ALPK2: variants seen among roughly 807,000 people sequenced by gnomAD.
ALPK2 encodes the protein alpha kinase 2.
Under a neutral mutation model 163.1 loss-of-function variants are expected in ALPK2, and 127 were observed. The observed-to-expected ratio is 0.78, with a 90% CI of 0.67 to 0.90. The LOEUF is 0.90. ALPK2 is among the 40% of genes least tolerant of loss of function. The pLI is 0.00. For missense variants in ALPK2, 2,360 were observed against 2,589.6 expected (o/e 0.91, Z 1.92); for synonymous variants, 953 against 959.1 (o/e 0.99, Z 0.12).
At chr18:58,627,414 A>G (rs1331472709) in intron 1 of ALPK2, among the ~76,000 whole-genome samples, 3 of 152,182 alleles carry the variant, frequency 2.0e-5, no homozygotes, top group African/African-American at 7.2e-5. Flanking sequence ...TGAGGTCAGG[A>G]GTTCAAGACC....
At chr18:58,577,847 T>C (rs371669069) in intron 4 of ALPK2, 1 of 152,228 alleles carries the variant, frequency 6.6e-6, no homozygotes, top group African/African-American at 2.4e-5. Context: ...ATTTTATCTT[T>C]GGAGTGTATC....
At chr18:58,527,513 T>C (rs961037478) in intron 6 of ALPK2, among the ~76,000 whole-genome samples, 13 of 152,270 alleles carry the variant, frequency 8.5e-5, no homozygotes, top group African/African-American at 2.9e-4. Context: ...GTTAGGTTTA[T>C]CGTAAATACA....
At chr18:58,543,201 C>T (rs1268035170) in intron 4 of ALPK2, among the ~76,000 whole-genome samples, 1 of 152,196 alleles carries the variant, frequency 6.6e-6, no homozygotes, top group Non-Finnish European at 1.5e-5. Context: ...GAGTCCCCAG[C>T]AGCAATAAGG....
At chr18:58,503,700 C>T (rs1003973310) in intron 11 of ALPK2, among the ~76,000 whole-genome samples, 1 of 152,022 alleles carries the variant, frequency 6.6e-6, no homozygotes, top group African/African-American at 2.4e-5. Flanking sequence ...CCCTGTCCCC[C>T]CCTAGAATTT....
intron 2 of ALPK2, 25 bp downstream of exon 2, chr18:58,611,664 G>A (rs1440832094): frequency 2.5e-6 from 4 of 1,588,242 alleles, no homozygotes; most frequent in South Asian, 1.1e-5. Context: ...TTTAGAGGGT[G>A]ATTAGCTAGT....
intron 3 of ALPK2, among the ~76,000 whole-genome samples, chr18:58,592,798 T>C (rs547228152): frequency 1.3e-5 from 2 of 152,334 alleles, no homozygotes; most frequent in South Asian, 4.1e-4. Context: ...TGGGTTCACA[T>C]GCCGGCCCAT....
chr18:58,556,786 T>C (rs2051794973), intron 4 of ALPK2, among the ~76,000 whole-genome samples: 1 of 152,176 alleles, frequency 6.6e-6, no homozygotes, highest in Admixed American at 6.5e-5. Context: ...GCCACTGTCC[T>C]GTGTGAACCT....
Position 58,536,175 on chromosome 18 carries a change from G to T in ALPK2, c.4012C>A (p.Leu1338Ile). The T allele has an allele frequency of 3.1e-6, 5 of 1,614,168 alleles. No homozygotes were observed. The highest frequency in any genetic ancestry group is 4.2e-6 in the Non-Finnish European group (5 of 1,180,014). Residue 1338 changes from leucine to isoleucine, a missense_variant, in exon 5 of 13, where the codon CTC (leucine) becomes ATC (isoleucine). Coordinates refer to ENST00000361673, the MANE Select transcript of ALPK2 (RefSeq NM_052947.4). ...ACAGGGTCCACGGATGACTCCAGGA[G>T]TCTGGGTTGGCTGAAACCCCGGGAA... ...LSSRGFSQPR[L>I]LESSVDPVDE...
At chr18:58,611,598 C>A in intron 2 of ALPK2, 91 bp downstream of exon 2, 1 of 1,146,952 alleles carries the variant, frequency 8.7e-7, no homozygotes. Flanking sequence ...GTAATTTTCC[C>A]AAATGATGTT....
chr18:58,559,849 C>G (rs2051816615), intron 4 of ALPK2, among the ~76,000 whole-genome samples: 1 of 152,220 alleles, frequency 6.6e-6, no homozygotes, highest in African/African-American at 2.4e-5. Flanking sequence ...TCCAGACTTG[C>G]CTTCAAGCAT....
At chr18:58,570,508 TAGA>T (rs1474020386) in intron 4 of ALPK2, among the ~76,000 whole-genome samples, 7 of 152,240 alleles carry the variant, frequency 4.6e-5, no homozygotes, top group African/African-American at 7.2e-5. Flanking sequence ...CTGCTTAGCA[TAGA>T]AGAAGTAAAT....
At position 58,616,468 on chromosome 18, in the gene ALPK2, C is replaced by T. The variant is rs182243389; in HGVS notation, c.-20-4651G>A. ...GCCAAGAAAAGTCTGAACAGACAGG[C>T]CTTGCTGGGTTCAGATCAGGTGCTT... is the stretch of plus-strand genomic sequence containing the variant. On this transcript the variant is annotated intron_variant, in intron 1 of 12. Coordinates refer to ENST00000361673, the MANE Select transcript of ALPK2 (RefSeq NM_052947.4). 5.3e-5 allele frequency among the ~76,000 whole-genome samples: 8 copies of T among 152,314 alleles called. No homozygotes were observed. In the East Asian group the frequency reaches 9.6e-4, roughly 18 times the overall value.
intron 12 of ALPK2, among the ~76,000 whole-genome samples, chr18:58,496,930 C>G (rs1409456792): frequency 2.6e-5 from 4 of 152,228 alleles, no homozygotes; most frequent in African/African-American, 9.6e-5. Context: ...CCCTAATCAC[C>G]CCAGTGCAGG....
Position 58,579,015 on chromosome 18 carries a change from T to C in ALPK2, c.1761A>G (p.Thr587=). 6.2e-7 allele frequency: 1 copy of C among 1,614,232 alleles called. No homozygotes were observed. Among genetic ancestry groups the C allele is most frequent in the East Asian group, 2.2e-5 (1 of 44,886 alleles). The change falls in exon 4 of 13, where the codon ACA becomes ACG. Residue 587 remains threonine (T), a synonymous_variant. Transcript: ENST00000361673. The part of the protein sequence containing the change: ...QSDKRETSHT[T]AAATGRSSHA... ...GGGAACTCCGACCAGTCGCTGCTGC[T>C]GTGGTGTGAGAAGTCTCTCTTTTAT...
At chr18:58,541,577 G>T (rs1352800386) in intron 4 of ALPK2, among the ~76,000 whole-genome samples, 2 of 152,218 alleles carry the variant, frequency 1.3e-5, no homozygotes, top group Non-Finnish European at 2.9e-5. Context: ...ATCCTTGACC[G>T]TGTAAATTCA....
Position 58,578,972 on chromosome 18 carries a change from A to G in ALPK2, c.1804T>C (p.Cys602Arg). 6.2e-7 allele frequency: 1 copy of G among 1,614,172 alleles called. No homozygotes were observed. The highest frequency in any genetic ancestry group is 2.2e-5 in the East Asian group (1 of 44,882). ...TGCTCTGCCTGGGTTGAAATAGCAC[A>G]TTCTCTTGCATCAGCATGGGAACTC... ...GRSSHADARE[C>R]AISTQAEQEA... The change falls in exon 4 of 13, where the codon TGT becomes CGT. Residue 602 changes from cysteine to arginine, a missense_variant. Coordinates refer to ENST00000361673, the MANE Select transcript of ALPK2 (RefSeq NM_052947.4).
chr18:58,572,692 G>A (rs1403573750), intron 4 of ALPK2, among the ~76,000 whole-genome samples: 1 of 152,174 alleles, frequency 6.6e-6, no homozygotes, highest in African/African-American at 2.4e-5. Context: ...ACAAAGTAGT[G>A]GTTGCCAGGG....
chr18:58,589,972 C>G (rs1254831180), intron 3 of ALPK2, among the ~76,000 whole-genome samples: 1 of 152,070 alleles, frequency 6.6e-6, no homozygotes, highest in Non-Finnish European at 1.5e-5. Context: ...AATCCCAGCA[C>G]TTTGGGAGGC....
chr18:58,516,916 CGAGTTTGTAG>C lies in ALPK2; in HGVS notation c.5922_5931del (p.Asn1974LysfsTer57). ...TGGGCAGATGGACCCACCTGGGCAG[CGAGTTTGTAG>C]TTCCTTTGGATGAGCTCATCATTAT... On this transcript the variant is annotated frameshift_variant, in exon 9 of 13. Transcript: ENST00000361673. 1 of 1,612,858 alleles carries C rather than the reference CGAGTTTGTAG, an allele frequency of 6.2e-7. No homozygotes were observed. The highest frequency in any genetic ancestry group is 8.5e-7 in the Non-Finnish European group (1 of 1,179,000).
Sources: allele counts gnomAD v4.1 joint callset (sites outside exome capture counted in the v4.1 genomes callset), GRCh38; gene constraint gnomAD v4.1.1; transcripts MANE v1.5; gene names NCBI Gene and HGNC (gene_info 2026-07-23, HGNC 2026-07-21).